The following SLCO3A1 variants were observed in gnomAD, a reference collection of about 807,000 sequenced individuals.
SLCO3A1 encodes solute carrier organic anion transporter family member 3A1.
A neutral mutation model predicts 63.1 loss-of-function variants in SLCO3A1; 27 were observed. That is an observed-to-expected ratio of 0.43 (90% CI 0.32 to 0.59). SLCO3A1 has a LOEUF of 0.59. SLCO3A1 is among the 20% of genes least tolerant of loss of function. The pLI is 0.09. For synonymous variants in SLCO3A1, 473 were observed against 409.9 expected (o/e 1.15, Z -1.86); for missense variants, 773 against 945.8 (o/e 0.82, Z 2.40).
At chr15:92,004,676 G>A (rs2046294016) in intron 2 of SLCO3A1, among the ~76,000 whole-genome samples, 1 of 152,194 alleles carries the variant, frequency 6.6e-6, no homozygotes, top group Non-Finnish European at 1.5e-5. Context: ...GTTTGGCAGG[G>A]GATAGATGCT....
At chr15:92,039,992 C>T (rs2046777977) in intron 2 of SLCO3A1, among the ~76,000 whole-genome samples, 1 of 152,128 alleles carries the variant, frequency 6.6e-6, no homozygotes, top group South Asian at 2.1e-4. Context: ...CATGATCTCA[C>T]TCATAAGTGG....
chr15:92,035,101 G>T (rs2046708213), intron 2 of SLCO3A1, among the ~76,000 whole-genome samples: 1 of 151,788 alleles, frequency 6.6e-6, no homozygotes. Context: ...TGAACTGTGG[G>T]TAGTTACTCC....
At chr15:91,911,917 G>A (rs1052883919) in intron 1 of SLCO3A1, among the ~76,000 whole-genome samples, 13 of 151,956 alleles carry the variant, frequency 8.6e-5, no homozygotes, top group Non-Finnish European at 1.3e-4. Context: ...GAGCCACTGC[G>A]CCCGGCCGGG....
rs1213981946 is a variant in SLCO3A1 at position 91,912,411 on chromosome 15, T to C, written c.181-3582T>C. Among the ~76,000 whole-genome samples, 1 of 152,176 alleles carries C rather than the reference T, an allele frequency of 6.6e-6. No individual in the cohort carries two copies. Among genetic ancestry groups the C allele is most frequent in the African/African-American group, 2.4e-5 (1 of 41,440 alleles). ...GTCAAGGAGGGAAAGACCGTACTAC[T>C]TCCTGTCACCCCTGTGCGTTGCTCT... On this transcript the variant is annotated intron_variant, in intron 1 of 9. Transcript: ENST00000318445. This position sits in a 1 kb window ranked among gnomAD's most constrained non-coding sequence, Gnocchi z 5.0.
chr15:91,894,536 G>C lies in SLCO3A1; in HGVS notation c.181-21457G>C, dbSNP rs1463916429. ...GGGCCAAGTGATGGGTGGATTAGAT[G>C]TCTGAAGGCAGCAGAGGCAATGGAG... On this transcript the variant is annotated intron_variant, in intron 1 of 9. Transcript: ENST00000318445. The surrounding 1 kb of genome is among the most constrained non-coding windows in gnomAD (Gnocchi z 4.8). Among the ~76,000 whole-genome samples the C allele has an allele frequency of 6.6e-6, 1 of 152,122 alleles. No homozygotes were observed. Among genetic ancestry groups the C allele is most frequent in the Non-Finnish European group, 1.5e-5 (1 of 68,028 alleles).
intron 2 of SLCO3A1, among the ~76,000 whole-genome samples, chr15:92,042,816 G>C (rs1296251620): frequency 3.9e-5 from 6 of 152,110 alleles, no homozygotes; most frequent in Admixed American, 6.6e-5. Flanking sequence ...GACAGGCCTA[G>C]GAGAAGTAAA....
intron 4 of SLCO3A1, among the ~76,000 whole-genome samples, chr15:92,112,352 G>C (rs1372200431): frequency 6.6e-6 from 1 of 152,210 alleles, no homozygotes; most frequent in African/African-American, 2.4e-5. Context: ...TTATGAATGA[G>C]TTATTGAAAG....
At chr15:92,051,024 CA>C (rs1404077999) in intron 2 of SLCO3A1, among the ~76,000 whole-genome samples, 1 of 152,238 alleles carries the variant, frequency 6.6e-6, no homozygotes, top group East Asian at 1.9e-4. Context: ...CTGACCCATC[CA>C]AAGTTGCCTT....
rs764713877 is a variant in SLCO3A1, at chr15:92,162,805, C to T, written c.1803C>T (p.Cys601=). 1 of 1,614,180 alleles carries T rather than the reference C, an allele frequency of 6.2e-7. No individual in the cohort carries two copies. The highest frequency in any genetic ancestry group is 1.3e-5 in the African/African-American group (1 of 75,050). ...LIFGAGIDST[C]LFWSTFCGEQ... is the part of the protein sequence containing the mutation. ...TCGGGGCTGGCATCGACTCCACCTG[C>T]CTGTTCTGGAGCACGTTCTGTGGGG... Residue 601 remains cysteine, a synonymous_variant, in exon 10 of 10, where the codon TGC becomes TGT. Transcript: ENST00000318445.
rs183818470 is a variant in SLCO3A1 at position 91,900,838 on chromosome 15, G to A, written c.181-15155G>A. Among the ~76,000 whole-genome samples the A allele has an allele frequency of 6.6e-6, 1 of 152,274 alleles. No homozygotes were observed. Among genetic ancestry groups the A allele is most frequent in the East Asian group, 1.9e-4 (1 of 5,188 alleles). On this transcript the variant is annotated intron_variant, in intron 1 of 9. Coordinates refer to ENST00000318445, the MANE Select transcript of SLCO3A1 (RefSeq NM_013272.4). This position sits in a 1 kb window ranked among gnomAD's most constrained non-coding sequence, Gnocchi z 4.3. ...TGTCATTTTACTGTTGATTTGTAAG[G>A]TTGGTAGGTAGTTTTGTTCAAATCA... is the stretch of plus-strand genomic sequence containing the variant.
At chr15:91,907,468 AG>A (rs1898347448) in intron 1 of SLCO3A1, among the ~76,000 whole-genome samples, 1 of 149,996 alleles carries the variant, frequency 6.7e-6, no homozygotes, top group Non-Finnish European at 1.5e-5. Flanking sequence ...GGCCTCCCAA[AG>A]TGCTAGGATT....
At chr15:92,065,905 A>T (rs1046342724) in intron 2 of SLCO3A1, among the ~76,000 whole-genome samples, 1 of 152,222 alleles carries the variant, frequency 6.6e-6, no homozygotes, top group Non-Finnish European at 1.5e-5. Context: ...AAAAGAAAAA[A>T]GGTTTCCTGA....
chr15:91,960,938 T>G (rs1315603002), intron 2 of SLCO3A1, among the ~76,000 whole-genome samples: 2 of 152,200 alleles, frequency 1.3e-5, no homozygotes, highest in Non-Finnish European at 2.9e-5. Flanking sequence ...TATCAGATTT[T>G]TGGATTAGAA....
At chr15:92,025,046 T>C (rs2046555194) in intron 2 of SLCO3A1, among the ~76,000 whole-genome samples, 1 of 152,212 alleles carries the variant, frequency 6.6e-6, no homozygotes, top group African/African-American at 2.4e-5. Flanking sequence ...TCCATGCATC[T>C]ATCCATCTAT....
At chr15:92,029,228 G>T (rs933136775) in intron 2 of SLCO3A1, among the ~76,000 whole-genome samples, 1 of 151,992 alleles carries the variant, frequency 6.6e-6, no homozygotes, top group African/African-American at 2.4e-5. Flanking sequence ...CTGACCCTGG[G>T]GGAAAAAAAG....
At chr15:91,947,783 A>G (rs570889384) in intron 2 of SLCO3A1, among the ~76,000 whole-genome samples, 7 of 152,254 alleles carry the variant, frequency 4.6e-5, no homozygotes, top group African/African-American at 1.2e-4. Flanking sequence ...GCCCTCCCAG[A>G]CTGCTTTCCT....
intron 2 of SLCO3A1, among the ~76,000 whole-genome samples, chr15:92,078,713 C>T (rs1357497558): frequency 6.6e-6 from 1 of 152,132 alleles, no homozygotes; most frequent in African/African-American, 2.4e-5. Flanking sequence ...TCACTGGGCA[C>T]GTTACTTCAT....
intron 2 of SLCO3A1, among the ~76,000 whole-genome samples, chr15:91,969,268 T>G (rs928122099): frequency 6.6e-6 from 1 of 152,076 alleles, no homozygotes; most frequent in Non-Finnish European, 1.5e-5. Flanking sequence ...AACTAATTGT[T>G]GTTGTGGAGT....
At position 91,854,983 on chromosome 15, in the gene SLCO3A1, A is replaced by G. The variant is rs910465696; in HGVS notation, c.180+895A>G. ...CTCAGGTGGTCGCAACTTGAGTTCCAGAGAGCGTGCTTCCACACCTAAGTA... is the reference window on the plus strand; with the variant it reads ...CTCAGGTGGTCGCAACTTGAGTTCCGGAGAGCGTGCTTCCACACCTAAGTA... On this transcript the variant is annotated intron_variant, in intron 1 of 9. Transcript: ENST00000318445. The surrounding 1 kb of genome is among the most constrained non-coding windows in gnomAD (Gnocchi z 6.4). Among the ~76,000 whole-genome samples, 5 of 152,182 alleles carry G rather than the reference A, an allele frequency of 3.3e-5. No homozygotes were observed. Among genetic ancestry groups the G allele is most frequent in the African/African-American group, 1.2e-4 (5 of 41,434 alleles).
Sources: gnomAD v4.1 joint callset for allele counts (sites outside exome capture counted in the v4.1 genomes callset) on GRCh38, gnomAD v4.1.1 for gene constraint, Gnocchi (gnomAD v3.1) non-coding constraint, MANE v1.5 for transcripts, NCBI Gene and HGNC (gene_info 2026-07-23, HGNC 2026-07-21) for gene names.